The following LAMA2 variants were observed in gnomAD, a reference collection of about 807,000 sequenced individuals.
LAMA2 encodes the protein laminin subunit alpha-2.
LAMA2 carries 269 observed loss-of-function variants against 364.8 expected under a neutral mutation model. The ratio of observed to expected loss-of-function variants is 0.74; its 90% CI spans 0.67 to 0.82. The LOEUF (loss-of-function observed/expected upper bound fraction) is 0.82, where lower values mean the gene tolerates loss of function less well. Ranked by LOEUF, LAMA2 falls within the 40% of genes least tolerant of loss-of-function variation. The pLI, the probability that LAMA2 is intolerant of heterozygous loss-of-function variation, is 0.00. For synonymous variants in LAMA2, 1,379 were observed against 1,370.6 expected, an observed-to-expected ratio of 1.01 and a Z score of -0.14; for missense variants, 3,807 against 3,873.2, an observed-to-expected ratio of 0.98 and a Z score of 0.45.
At chr6:129,200,997 A>G (rs1348807150) in intron 12 of LAMA2, among the ~76,000 whole-genome samples, 1 of 152,176 alleles carries the variant, frequency 6.6e-6, no homozygotes, top group Non-Finnish European at 1.5e-5. Flanking sequence ...ACACATTGAG[A>G]TTTCTGCTCC....
At chr6:129,206,520 A>C (rs1398575665) in intron 12 of LAMA2, among the ~76,000 whole-genome samples, 3 of 152,224 alleles carry the variant, frequency 2.0e-5, no homozygotes, top group African/African-American at 7.2e-5. Context: ...CTATCTGCTA[A>C]AAATTGTTTG....
chr6:128,931,413 C>CTGAA (rs759181393), intron 1 of LAMA2, among the ~76,000 whole-genome samples: 44 of 152,156 alleles, frequency 2.9e-4, no homozygotes, highest in Admixed American at 1.6e-3. Context: ...TGTTGAATAT[C>CTGAA]TGAATGAATG....
intron 1 of LAMA2, among the ~76,000 whole-genome samples, chr6:128,901,585 A>C (rs990966777): frequency 1.3e-5 from 2 of 152,250 alleles, no homozygotes; most frequent in Admixed American, 1.3e-4. Flanking sequence ...ATATGACACC[A>C]GCATGGTGAA....
chr6:128,896,476 T>G (rs114015162), intron 1 of LAMA2, among the ~76,000 whole-genome samples: 449 of 152,192 alleles, frequency 3.0e-3, no homozygotes, highest in African/African-American at 0.01. Context: ...GTCCCATCTT[T>G]ATTGCTTTTG....
At chr6:129,414,147 G>A (rs1309106999) in intron 40 of LAMA2, among the ~76,000 whole-genome samples, 1 of 152,010 alleles carries the variant, frequency 6.6e-6, no homozygotes, top group Non-Finnish European at 1.5e-5. Context: ...TAAACAGTAA[G>A]TTTAGAGCAA....
intron 62 of LAMA2, among the ~76,000 whole-genome samples, chr6:129,509,839 T>C (rs1041163432): frequency 6.6e-6 from 1 of 152,152 alleles, no homozygotes; most frequent in Admixed American, 6.6e-5. Flanking sequence ...CTATTCTGGG[T>C]TTCATATGAA....
chr6:129,143,167 T>C (rs894315280), intron 4 of LAMA2, among the ~76,000 whole-genome samples: 4 of 152,050 alleles, frequency 2.6e-5, no homozygotes, highest in African/African-American at 9.7e-5. Flanking sequence ...GAAAATGATC[T>C]GACTGAATTT....
chr6:129,108,318 T>C (rs374232270), intron 4 of LAMA2, among the ~76,000 whole-genome samples: 6 of 152,290 alleles, frequency 3.9e-5, no homozygotes, highest in African/African-American at 1.4e-4. Context: ...AGTTGTGCAA[T>C]AGACTTGTTA....
chr6:129,116,392 G>A (rs547132891), intron 4 of LAMA2, among the ~76,000 whole-genome samples: 2 of 152,186 alleles, frequency 1.3e-5, no homozygotes, highest in African/African-American at 4.8e-5. Context: ...CAGTGATTTT[G>A]TTTGTCTCCT....
At chr6:128,965,200 G>C (rs1050620557) in intron 1 of LAMA2, among the ~76,000 whole-genome samples, 7 of 151,936 alleles carry the variant, frequency 4.6e-5, no homozygotes, top group African/African-American at 1.7e-4. Context: ...TGGAAAGAAG[G>C]GTTTGTATTT....
chr6:129,101,568 C>A (rs1221620549), intron 4 of LAMA2, among the ~76,000 whole-genome samples: 2 of 152,144 alleles, frequency 1.3e-5, no homozygotes, highest in African/African-American at 4.8e-5. Context: ...CTGCCCACTA[C>A]AATAGCCACT....
At chr6:129,030,531 A>C (rs1274073690) in intron 1 of LAMA2, among the ~76,000 whole-genome samples, 1 of 152,194 alleles carries the variant, frequency 6.6e-6, no homozygotes, top group African/African-American at 2.4e-5. Flanking sequence ...AGTAATGCCT[A>C]TCCCATCTAT....
chr6:129,267,990 G>A (rs1787630404), intron 16 of LAMA2, among the ~76,000 whole-genome samples: 1 of 152,030 alleles, frequency 6.6e-6, no homozygotes, highest in Non-Finnish European at 1.5e-5. Context: ...GCCAATTAAG[G>A]AGGATATTAT....
chr6:129,416,629 A>G (rs572073829), intron 40 of LAMA2, among the ~76,000 whole-genome samples: 1 of 152,078 alleles, frequency 6.6e-6, no homozygotes, highest in Non-Finnish European at 1.5e-5. Context: ...ATGTCACAGG[A>G]TCCTTGGGGT....
intron 40 of LAMA2, among the ~76,000 whole-genome samples, chr6:129,405,662 A>G (rs1245536666): frequency 6.6e-6 from 1 of 152,206 alleles, no homozygotes; most frequent in Non-Finnish European, 1.5e-5. Flanking sequence ...TCTGTCCCAG[A>G]AATTTTGTTG....
chr6:129,198,495 C>T (rs977442087), intron 12 of LAMA2, among the ~76,000 whole-genome samples: 15 of 151,864 alleles, frequency 9.9e-5, no homozygotes, highest in African/African-American at 2.2e-4. Flanking sequence ...AGAAAGGGAA[C>T]GACAAAGATA....
intron 28 of LAMA2, among the ~76,000 whole-genome samples, chr6:129,322,730 G>A (rs958063495): frequency 6.6e-6 from 1 of 152,114 alleles, no homozygotes; most frequent in African/African-American, 2.4e-5. Context: ...CTGTTCACTT[G>A]TGAACAAAAA....
intron 4 of LAMA2, among the ~76,000 whole-genome samples, chr6:129,100,826 C>A (rs570351684): frequency 6.6e-6 from 1 of 152,306 alleles, no homozygotes; most frequent in Non-Finnish European, 1.5e-5. Context: ...ATGATTTAAT[C>A]TCTCTGGGAT....
At chr6:129,372,060 A>G (rs2114631850) in intron 34 of LAMA2, among the ~76,000 whole-genome samples, 1 of 152,318 alleles carries the variant, frequency 6.6e-6, no homozygotes. Flanking sequence ...TGTAAAGTTC[A>G]GAGTGTTCTC....
Sources: allele counts gnomAD v4.1 joint callset (sites outside exome capture counted in the v4.1 genomes callset), GRCh38; gene constraint gnomAD v4.1.1; transcripts MANE v1.5; gene names NCBI Gene and HGNC (gene_info 2026-07-23, HGNC 2026-07-21).